The following CSMD1 variants were observed in gnomAD, a reference collection of about 807,000 sequenced individuals.
The protein encoded by CSMD1 is CUB and sushi domain-containing protein 1.
Under a neutral mutation model 417.5 loss-of-function variants are expected in CSMD1, and 213 were observed. The ratio of observed to expected loss-of-function variants is 0.51; its 90% CI spans 0.46 to 0.57. The LOEUF is 0.57. Among genes scored for constraint, CSMD1 ranks in the 20% least tolerant of loss-of-function variants. The pLI, the probability that CSMD1 is intolerant of heterozygous loss-of-function variation, is 0.00. For missense variants in CSMD1, 6,923 were observed against 4,529.7 expected (o/e 1.53, Z -15.17); for synonymous variants, 2,862 against 1,736.8 (o/e 1.65, Z -16.11).
intron 5 of CSMD1, among the ~76,000 whole-genome samples, chr8:3,901,528 G>A (rs1293732957): frequency 6.6e-6 from 1 of 152,172 alleles, no homozygotes; most frequent in Non-Finnish European, 1.5e-5. Flanking sequence ...TTTGGAACAT[G>A]TACACCAACC....
intron 5 of CSMD1, among the ~76,000 whole-genome samples, chr8:3,830,682 GA>G (rs1244392317): frequency 5.3e-5 from 8 of 151,794 alleles, no homozygotes; most frequent in Non-Finnish European, 8.8e-5. Context: ...AAAACAGAGA[GA>G]AAAAAAATGC....
intron 3 of CSMD1, among the ~76,000 whole-genome samples, chr8:4,176,560 T>C (rs1050085585): frequency 2.0e-5 from 3 of 151,974 alleles, no homozygotes; most frequent in Admixed American, 6.6e-5. Flanking sequence ...ATACCCCATT[T>C]TGGCAGTAGA....
intron 5 of CSMD1, among the ~76,000 whole-genome samples, chr8:3,793,342 C>T (rs1404620130): frequency 6.6e-6 from 1 of 152,188 alleles, no homozygotes; most frequent in African/African-American, 2.4e-5. Flanking sequence ...ATGTCCATGA[C>T]TATCATTTAA....
intron 49 of CSMD1, among the ~76,000 whole-genome samples, chr8:3,066,011 G>T (rs10093955): frequency 0.048 from 7,236 of 152,174 alleles, 597 homozygotes; most frequent in African/African-American, 0.17. Context: ...TCATTTAAAT[G>T]AAAAATTCAT....
intron 3 of CSMD1, among the ~76,000 whole-genome samples, chr8:4,115,998 T>C (rs1197742605): frequency 8.4e-6 from 1 of 119,304 alleles, no homozygotes; most frequent in East Asian, 3.0e-4. Flanking sequence ...ATTTATTTAT[T>C]TATTTATTTA....
chr8:3,919,993 T>C (rs73174432), intron 5 of CSMD1, among the ~76,000 whole-genome samples: 4,515 of 130,238 alleles, frequency 0.035, 93 homozygotes, highest in Middle Eastern at 0.13. Context: ...ATATACCAAA[T>C]TTTTTTTTAC....
chr8:3,618,250 G>A (rs932249795), intron 7 of CSMD1, among the ~76,000 whole-genome samples: 4 of 152,030 alleles, frequency 2.6e-5, no homozygotes, highest in South Asian at 2.1e-4. Flanking sequence ...AGTGACACTC[G>A]CACTGTGGCC....
At chr8:4,303,744 C>T (rs4875317) in intron 3 of CSMD1, among the ~76,000 whole-genome samples, 19,828 of 151,944 alleles carry the variant, frequency 0.13, 1,515 homozygotes, top group Non-Finnish European at 0.18. Flanking sequence ...CAACCTCAGC[C>T]TCCTGGTTTC....
intron 5 of CSMD1, among the ~76,000 whole-genome samples, chr8:3,965,787 T>C (rs1469805043): frequency 2.0e-5 from 3 of 151,874 alleles, no homozygotes; most frequent in Non-Finnish European, 4.4e-5. Flanking sequence ...CTGGCTAATA[T>C]TTTGTACCTT....
chr8:4,460,946 CCAGA>C lies in CSMD1; in HGVS notation c.303-40885_303-40882del, dbSNP rs60367104. 3.4e-3 allele frequency among the ~76,000 whole-genome samples: 510 copies of C among 152,138 alleles called. 3 individuals are homozygous for C. The highest frequency in any genetic ancestry group is 0.012 in the African/African-American group (488 of 41,488). On this transcript the variant is annotated intron_variant, in intron 2 of 69. Coordinates refer to ENST00000635120, the MANE Select transcript of CSMD1 (RefSeq NM_033225.6). ...TAAGGTCAATACCCCAATATCAAAG[CCAGA>C]CATAGTTATAGATAGAAACTACAGA...
chr8:3,781,898 T>C (rs1278338682), intron 5 of CSMD1, among the ~76,000 whole-genome samples: 1 of 152,232 alleles, frequency 6.6e-6, no homozygotes, highest in Non-Finnish European at 1.5e-5. Context: ...ATTCATTTTC[T>C]AATTTTGGTA....
intron 26 of CSMD1, among the ~76,000 whole-genome samples, chr8:3,233,197 G>C (rs1214155310): frequency 6.6e-6 from 1 of 151,956 alleles, no homozygotes; most frequent in Non-Finnish European, 1.5e-5. Context: ...AATCAATATG[G>C]TCATATTGGG....
At chr8:3,437,765 T>TA (rs139865620) in intron 12 of CSMD1, among the ~76,000 whole-genome samples, 59 of 151,898 alleles carry the variant, frequency 3.9e-4, no homozygotes, top group African/African-American at 1.4e-3. Flanking sequence ...TTTTTTTTTT[T>TA]GTTTCAGAGT....
chr8:3,916,922 A>G lies in CSMD1; in HGVS notation c.818+80981T>C, dbSNP rs78222995. ...ATGAGACATATTAAAAAAAATAACA[A>G]TAATAATCTGCACTAAAAGCTGCTC... On this transcript the variant is annotated intron_variant, in intron 5 of 69. Transcript: ENST00000635120. Among the ~76,000 whole-genome samples the G allele has an allele frequency of 9.2e-3, 1,394 of 152,104 alleles. 15 individuals are homozygous for G. The highest frequency in any genetic ancestry group is 0.031 in the African/African-American group (1,297 of 41,500).
chr8:3,110,425 A>C, intron 42 of CSMD1, 90 bp from the exon 43 acceptor site: 2 of 1,089,882 alleles, frequency 1.8e-6, no homozygotes. Flanking sequence ...ACCTTAGCCA[A>C]CATTTTTCCT....
In CSMD1 at chr8:3,838,526, A is replaced by G. The variant is rs199508269; in HGVS notation, c.819-84484T>C. Among the ~76,000 whole-genome samples the G allele has an allele frequency of 6.1e-4, 84 of 137,234 alleles. No homozygotes were observed. The East Asian group carries it at 0.014, about 22-fold the overall frequency. The allele number at this position is 137,234 out of a possible 152,430, so 90.0% of individuals were successfully genotyped here. A position where few individuals can be genotyped will look rare whatever the true frequency, so the allele number is the denominator to read the frequency against. On this transcript the variant is annotated intron_variant, in intron 5 of 69. Transcript: ENST00000635120. ...GGCTATATATAATATAATATAGCCTATATATATAGTCTATATATGTACTCT... is the reference window on the plus strand; with the variant it reads ...GGCTATATATAATATAATATAGCCTGTATATATAGTCTATATATGTACTCT...
intron 3 of CSMD1, among the ~76,000 whole-genome samples, chr8:4,353,055 G>A (rs1051171795): frequency 1.3e-5 from 2 of 152,176 alleles, no homozygotes; most frequent in African/African-American, 2.4e-5. Context: ...ATTGTAGAAA[G>A]AGTAAAATCA....
chr8:4,846,270 G>C (rs1397770747), intron 1 of CSMD1, among the ~76,000 whole-genome samples: 2 of 152,186 alleles, frequency 1.3e-5, no homozygotes, highest in African/African-American at 4.8e-5. Flanking sequence ...AATGTGTGAA[G>C]TAAGATCTTT....
intron 3 of CSMD1, among the ~76,000 whole-genome samples, chr8:4,121,554 A>C (rs570290162): frequency 6.6e-6 from 1 of 151,620 alleles, no homozygotes; most frequent in East Asian, 1.9e-4. Context: ...GCAATTGTCT[A>C]AAATGTAATC....
Sources: allele counts gnomAD v4.1 joint callset (sites outside exome capture counted in the v4.1 genomes callset), GRCh38; gene constraint gnomAD v4.1.1; transcripts MANE v1.5; gene names NCBI Gene and HGNC (gene_info 2026-07-23, HGNC 2026-07-21).